FAM120B: variants seen among roughly 807,000 people sequenced by gnomAD.
FAM120B encodes the protein constitutive coactivator of peroxisome proliferator-activated receptor gamma.
Under a neutral mutation model 96.3 loss-of-function variants are expected in FAM120B, and 83 were observed. The observed-to-expected ratio is 0.86, with a 90% confidence interval of 0.72 to 1.03. The LOEUF (loss-of-function observed/expected upper bound fraction) is 1.03. Among genes scored for constraint, FAM120B ranks in the 50% least tolerant of loss-of-function variants. The pLI, the probability that FAM120B is intolerant of heterozygous loss-of-function variation, is 0.00. For missense variants in FAM120B, 1,027 were observed against 1,121.2 expected, an observed-to-expected ratio of 0.92 and a Z score of 1.20; for synonymous variants, 407 against 402.7, an observed-to-expected ratio of 1.01 and a Z score of -0.13.
chr6:170,398,536 T>C (rs13213751), intron 9 of FAM120B, among the ~76,000 whole-genome samples: 1 of 123,560 alleles, frequency 8.1e-6, no homozygotes, highest in African/African-American at 3.5e-5. Context: ...ATGTCATAAC[T>C]CTTAGGAGTG....
In FAM120B at chr6:170,330,514, C is replaced by T; in HGVS notation, c.1981C>T (p.Pro661Ser). The T allele has an allele frequency of 6.2e-7, 1 of 1,614,126 alleles. No homozygotes were observed. The highest frequency in any genetic ancestry group is 8.5e-7 in the Non-Finnish European group (1 of 1,180,016). ...GTATCCTGGGAACCCACTGAGGCAC[C>T]CGGACCTCGTCAGGCCGCTGCAGAT... ...FVYPGNPLRH[P>S]DLVRPLQMTI... The change falls in exon 4 of 11, where the codon CCG becomes TCG. Residue 661 changes from proline (P) to serine (S), a missense_variant. Pro to Ser is a moderately conservative substitution (Grantham distance 74). This residue lies in a region of FAM120B where 880 missense variants were observed against 980.9 expected (regional missense o/e 0.90). Coordinates refer to ENST00000476287, the MANE Select transcript of FAM120B (RefSeq NM_032448.3).
chr6:170,356,809 A>G (rs1583256644), intron 5 of FAM120B, among the ~76,000 whole-genome samples: 1 of 152,334 alleles, frequency 6.6e-6, no homozygotes, highest in Admixed American at 6.5e-5. Flanking sequence ...AACAGCCACA[A>G]ATGATTTTAT....
chr6:170,294,662 C>T (rs944096622), upstream of FAM120B, among the ~76,000 whole-genome samples: 8 of 152,176 alleles, frequency 5.3e-5, no homozygotes, highest in Non-Finnish European at 1.2e-4. This position sits in a 1 kb window ranked among gnomAD's most constrained non-coding sequence, Gnocchi z 7.9. Flanking sequence ...ACCCCCCTTT[C>T]CAAAGAAAGG....
intron 6 of FAM120B, among the ~76,000 whole-genome samples, chr6:170,367,118 TC>T (rs1736462346): frequency 6.6e-6 from 1 of 152,230 alleles, no homozygotes; most frequent in Non-Finnish European, 1.5e-5. Context: ...GCTATAAAAC[TC>T]ACCAGTAGAA....
Position 170,317,545 on chromosome 6 carries a change from G to A in FAM120B, c.155G>A (p.Trp52Ter). Reference sequence around the variant, plus strand: ...GATGCCATGTGTTGTCTCAGATATTGGTATACTCCAGAATCTTGGATCTGC... The same window carrying A: ...GATGCCATGTGTTGTCTCAGATATTAGTATACTCCAGAATCTTGGATCTGC... Reference protein sequence around the residue: ...VVDAMCCLRYWYTPESWICGG... With the variant: ...VVDAMCCLRY The change falls in exon 2 of 11, where the codon TGG becomes TAG. Residue 52 changes from tryptophan to a stop codon, truncating the protein, a stop_gained. Coordinates refer to ENST00000476287, the MANE Select transcript of FAM120B (RefSeq NM_032448.3). LOFTEE classifies it high-confidence loss of function. The A allele has an allele frequency of 6.2e-7, 1 of 1,614,138 alleles. No individual in the cohort carries two copies. Among genetic ancestry groups the A allele is most frequent in the East Asian group, 2.2e-5 (1 of 44,886 alleles).
Position 170,371,037 on chromosome 6 carries a change from A to G in FAM120B, c.2283+12719A>G, listed in dbSNP as rs117438419. Among the ~76,000 whole-genome samples the G allele has an allele frequency of 3.8e-3, 580 of 152,258 alleles. 17 individuals carry two copies. Among genetic ancestry groups the G allele is most frequent in the East Asian group, 0.033 (172 of 5,174 alleles). On this transcript the variant is annotated intron_variant, in intron 6 of 10. Coordinates refer to ENST00000476287, the MANE Select transcript of FAM120B (RefSeq NM_032448.3). ...ACAGTTCACCCATTTAAGGTGTACA[A>G]TTTAATGGCTCTGAACACAGAGTTG...
intron 6 of FAM120B, 95 bp from the exon 7 acceptor site, chr6:170,388,192 C>A: frequency 9.8e-7 from 1 of 1,019,824 alleles, no homozygotes; most frequent in Non-Finnish European, 1.5e-6. Flanking sequence ...GAGTGAGCAT[C>A]CGTTCTGAGC....
chr6:170,393,048 A>G (rs1328133157), intron 8 of FAM120B, among the ~76,000 whole-genome samples: 1 of 151,572 alleles, frequency 6.6e-6, no homozygotes, highest in Non-Finnish European at 1.5e-5. Context: ...GGCTGGGCAC[A>G]CACCTGTAAT....
intron 4 of FAM120B, among the ~76,000 whole-genome samples, chr6:170,336,444 A>G (rs763307387): frequency 6.6e-6 from 1 of 152,154 alleles, no homozygotes; most frequent in Admixed American, 6.5e-5. Flanking sequence ...GTAGCCTTGT[A>G]GTATAGTTTG....
chr6:170,378,755 C>T (rs1200682484), intron 6 of FAM120B, among the ~76,000 whole-genome samples: 1 of 152,210 alleles, frequency 6.6e-6, no homozygotes, highest in Non-Finnish European at 1.5e-5. Flanking sequence ...CCCTGAGCTC[C>T]TGGTTGTGGG....
intron 5 of FAM120B, among the ~76,000 whole-genome samples, chr6:170,352,786 A>G (rs1787662906): frequency 6.6e-6 from 1 of 152,204 alleles, no homozygotes; most frequent in Non-Finnish European, 1.5e-5. Context: ...AATGCTGGAA[A>G]GATCTCAAGT....
intron 4 of FAM120B, among the ~76,000 whole-genome samples, chr6:170,339,515 G>A (rs370558036): frequency 5.3e-5 from 8 of 152,072 alleles, no homozygotes; most frequent in Admixed American, 2.0e-4. Context: ...GGGGCCAGGC[G>A]GGGTGGCTCA....
At chr6:170,361,923 A>G (rs181821250) in intron 6 of FAM120B, among the ~76,000 whole-genome samples, 84 of 152,198 alleles carry the variant, frequency 5.5e-4, no homozygotes, top group Non-Finnish European at 1.0e-3. Flanking sequence ...CCTTCTGAGT[A>G]GTTGGGATTC....
In FAM120B at chr6:170,295,396, G is replaced by T; in HGVS notation, c.-10G>T. The T allele has an allele frequency of 1.4e-6, 1 of 701,418 alleles. No homozygotes were observed. The highest frequency in any genetic ancestry group is 2.6e-6 in the Non-Finnish European group (1 of 384,476). 43.4% of individuals were successfully genotyped at this position (701,418 alleles called of 1,614,324 possible). ...CAGCCTGGAAAAGGGAGGGGGCATC[G>T]ATCTGGTTTATGTTTGGACCTCGAG... On this transcript the variant is annotated 5_prime_UTR_variant, in exon 1 of 11. Transcript: ENST00000537664. The surrounding 1 kb of genome is among the most constrained non-coding windows in gnomAD (Gnocchi z 7.8).
intron 4 of FAM120B, among the ~76,000 whole-genome samples, chr6:170,341,345 C>G (rs999095240): frequency 6.6e-6 from 1 of 152,190 alleles, no homozygotes; most frequent in African/African-American, 2.4e-5. Flanking sequence ...CGCCCCTCCC[C>G]CCACCAAGCT....
intron 4 of FAM120B, among the ~76,000 whole-genome samples, chr6:170,344,561 G>A (rs1457677582): frequency 1.3e-5 from 2 of 151,986 alleles, no homozygotes; most frequent in African/African-American, 4.8e-5. Context: ...CGTTGCCTGC[G>A]GTGCTAGCCT....
rs1785966961 is a variant in FAM120B, at chr6:170,330,740, C to A, written c.2017+190C>A. 5.0e-6 allele frequency: 3 copies of A among 596,240 alleles called. No individual in the cohort carries two copies. The African/African-American group carries it at 5.6e-5, about 11-fold the overall frequency. 36.9% of individuals were successfully genotyped at this position (596,240 alleles called of 1,614,324 possible). On this transcript the variant is annotated intron_variant, in intron 4 of 10. Transcript: ENST00000476287. ...AAATAATGGAAGGATGATGCTGTGGCAGGTTTACCCTGGACCATCTGCGGC... is the reference window on the plus strand; with the variant it reads ...AAATAATGGAAGGATGATGCTGTGGAAGGTTTACCCTGGACCATCTGCGGC...
chr6:170,387,381 A>G (rs1162693528), intron 6 of FAM120B, among the ~76,000 whole-genome samples: 3 of 152,246 alleles, frequency 2.0e-5, no homozygotes, highest in Non-Finnish European at 4.4e-5. Context: ...TATTTAAAAT[A>G]ACTCTTGGTT....
chr6:170,369,352 C>T (rs1438548845), intron 6 of FAM120B, among the ~76,000 whole-genome samples: 3 of 152,190 alleles, frequency 2.0e-5, no homozygotes, highest in African/African-American at 7.2e-5. Context: ...CTGTGCAGTG[C>T]GTCTGCCTCC....
Sources: gnomAD v4.1 joint callset for allele counts (sites outside exome capture counted in the v4.1 genomes callset) on GRCh38, gnomAD v4.1.1 for gene constraint, gnomAD v4.1.1 regional missense constraint, Gnocchi (gnomAD v3.1) non-coding constraint, MANE v1.5 for transcripts, NCBI Gene and HGNC (gene_info 2026-07-23, HGNC 2026-07-21) for gene names.